The following PKNOX1 variants were observed in gnomAD, a reference collection of about 807,000 sequenced individuals.
The protein encoded by PKNOX1 is homeobox protein PKNOX1.
PKNOX1 carries 15 observed loss-of-function variants against 51.9 expected under a neutral mutation model. The observed-to-expected ratio is 0.29, with a 90% CI of 0.19 to 0.45. PKNOX1 has a LOEUF of 0.45. Among genes scored for constraint, PKNOX1 ranks in the 20% least tolerant of loss-of-function variants. The probability of loss-of-function intolerance (pLI) is 1.00; values close to 1 mark genes in which losing one functional copy is unlikely to be tolerated. For synonymous variants in PKNOX1, 219 were observed against 211.1 expected, an observed-to-expected ratio of 1.04 and a Z score of -0.32; for missense variants, 462 against 547.5, an observed-to-expected ratio of 0.84 and a Z score of 1.56.
intron 3 of PKNOX1, among the ~76,000 whole-genome samples, chr21:43,008,891 G>A (rs532657092): frequency 3.9e-5 from 6 of 152,202 alleles, no homozygotes; most frequent in East Asian, 1.9e-4. Flanking sequence ...ACACAAAAAC[G>A]TGTACATGAA....
At chr21:43,023,775 C>T (rs530314677) in intron 8 of PKNOX1, among the ~76,000 whole-genome samples, 6 of 151,890 alleles carry the variant, frequency 4.0e-5, no homozygotes, top group Non-Finnish European at 7.4e-5. Flanking sequence ...CCACCATGCC[C>T]GGCTAATTTT....
At chr21:43,000,020 C>G (rs531956928) in intron 1 of PKNOX1, among the ~76,000 whole-genome samples, 6 of 152,226 alleles carry the variant, frequency 3.9e-5, no homozygotes, top group Admixed American at 1.3e-4. Context: ...CACCTTTGCT[C>G]CAGTTCCCAA....
rs148042242 is a variant in PKNOX1, at chr21:42,997,422, C to T, written c.-56-6904C>T. Among the ~76,000 whole-genome samples the T allele has an allele frequency of 3.9e-5, 6 of 152,286 alleles. No homozygotes were observed. The East Asian group carries it at 1.2e-3, about 29-fold the overall frequency. ...ATTGTAAAATATTTTGTCAACTGTGCATCAGCCAAACAAAAAAAATTAAAA... is the reference window on the plus strand; with the variant it reads ...ATTGTAAAATATTTTGTCAACTGTGTATCAGCCAAACAAAAAAAATTAAAA... On this transcript the variant is annotated intron_variant, in intron 1 of 10. Transcript: ENST00000291547.
intron 1 of PKNOX1, among the ~76,000 whole-genome samples, chr21:42,979,911 G>A (rs1199638243): frequency 1.3e-5 from 2 of 152,218 alleles, no homozygotes; most frequent in Non-Finnish European, 2.9e-5. Flanking sequence ...CCTTAGAATT[G>A]ATGAAACATG....
chr21:42,991,652 CCAGAGG>C (rs904652004), intron 1 of PKNOX1, among the ~76,000 whole-genome samples: 1 of 151,864 alleles, frequency 6.6e-6, no homozygotes, highest in Non-Finnish European at 1.5e-5. Context: ...GGCGTGAACC[CCAGAGG>C]CGGAGGCGGA....
chr21:42,975,645 A>C (rs1244441503), intron 1 of PKNOX1, among the ~76,000 whole-genome samples: 1 of 152,162 alleles, frequency 6.6e-6, no homozygotes, highest in Non-Finnish European at 1.5e-5. Flanking sequence ...CTCCGTTCCG[A>C]TGGCGGATTC....
intron 1 of PKNOX1, among the ~76,000 whole-genome samples, chr21:43,001,297 C>T (rs901598786): frequency 1.3e-5 from 2 of 152,200 alleles, no homozygotes; most frequent in African/African-American, 2.4e-5. Context: ...GCTCCCATGC[C>T]GTGTTGCAAG....
chr21:43,015,196 C>A (rs1979437161), intron 5 of PKNOX1, among the ~76,000 whole-genome samples: 1 of 152,266 alleles, frequency 6.6e-6, no homozygotes, highest in African/African-American at 2.4e-5. Context: ...CTTTCAGTCG[C>A]TCACTGTCGA....
chr21:43,007,060 GAGA>G (rs1461061487), intron 2 of PKNOX1, among the ~76,000 whole-genome samples: 1 of 152,176 alleles, frequency 6.6e-6, no homozygotes, highest in Non-Finnish European at 1.5e-5. Flanking sequence ...GTAGATATGG[GAGA>G]AGTTCAACCT....
intron 10 of PKNOX1, among the ~76,000 whole-genome samples, chr21:43,029,420 C>CTTTGTTT (rs1980133369): frequency 3.4e-5 from 3 of 87,526 alleles, no homozygotes; most frequent in East Asian, 3.3e-4. Flanking sequence ...TATTTGTTTG[C>CTTTGTTT]TTTGTTTTTT....
intron 1 of PKNOX1, among the ~76,000 whole-genome samples, chr21:42,987,396 AAAAAAAAAATATAT>A (rs1204285176): frequency 1.1e-5 from 1 of 94,100 alleles, no homozygotes; most frequent in African/African-American, 4.6e-5. Context: ...AAAAAAAAAA[AAAAAAAAAATATAT>A]ATATATATAT....
chr21:42,982,997 A>G (rs1419283798), intron 1 of PKNOX1, among the ~76,000 whole-genome samples: 1 of 151,950 alleles, frequency 6.6e-6, no homozygotes, highest in African/African-American at 2.4e-5. Context: ...TTTAGTAGAG[A>G]TGGAGTTTTA....
At chr21:42,998,787 C>T (rs1978617431) in intron 1 of PKNOX1, among the ~76,000 whole-genome samples, 1 of 152,196 alleles carries the variant, frequency 6.6e-6, no homozygotes, top group African/African-American at 2.4e-5. Flanking sequence ...TGGTCCTGGG[C>T]ATCTCCGCCC....
intron 1 of PKNOX1, among the ~76,000 whole-genome samples, chr21:42,996,652 G>A (rs879759492): frequency 3.9e-5 from 6 of 152,188 alleles, no homozygotes; most frequent in Non-Finnish European, 8.8e-5. Context: ...TTTGCTGCAA[G>A]TTTTGTTTAT....
intron 5 of PKNOX1, among the ~76,000 whole-genome samples, chr21:43,016,090 C>G (rs934778549): frequency 2.0e-5 from 3 of 152,184 alleles, no homozygotes; most frequent in Admixed American, 1.3e-4. Context: ...TTACACATTC[C>G]GCTCGATGAT....
intron 1 of PKNOX1, among the ~76,000 whole-genome samples, chr21:42,991,849 A>G (rs1601277402): frequency 6.6e-6 from 1 of 152,318 alleles, no homozygotes; most frequent in East Asian, 1.9e-4. Context: ...GTGAATTGTT[A>G]GTAATAACAT....
intron 10 of PKNOX1, among the ~76,000 whole-genome samples, chr21:43,029,633 G>A (rs1020539597): frequency 2.7e-5 from 4 of 150,940 alleles, no homozygotes; most frequent in African/African-American, 4.9e-5. Context: ...GGGTTTCACC[G>A]TGTTCACCAG....
chr21:43,000,444 G>A (rs1978700390), intron 1 of PKNOX1, among the ~76,000 whole-genome samples: 1 of 152,198 alleles, frequency 6.6e-6, no homozygotes, highest in Non-Finnish European at 1.5e-5. Context: ...AGAGAGGAGA[G>A]CATGTACAGG....
intron 4 of PKNOX1, 43 bp downstream of exon 4, chr21:43,010,267 T>A: frequency 8.5e-7 from 1 of 1,178,426 alleles, no homozygotes; most frequent in Non-Finnish European, 1.2e-6. Flanking sequence ...AAATGTGAAA[T>A]CTGTTCATGA....
Sources: gnomAD v4.1 joint callset for allele counts (sites outside exome capture counted in the v4.1 genomes callset) on GRCh38, gnomAD v4.1.1 for gene constraint, MANE v1.5 for transcripts, NCBI Gene and HGNC (gene_info 2026-07-23, HGNC 2026-07-21) for gene names.